Variants in PTPRE observed in about 807,000 individuals in gnomAD.
PTPRE encodes receptor-type tyrosine-protein phosphatase epsilon.
In PTPRE, 51 loss-of-function variants were observed where a neutral mutation model predicts 102.0. That is an observed-to-expected ratio of 0.50 (90% CI 0.40 to 0.63). The LOEUF is 0.63. PTPRE is among the 30% of genes least tolerant of loss of function. The pLI, the probability that PTPRE is intolerant of heterozygous loss-of-function variation, is 0.00. For missense variants in PTPRE, 752 were observed against 915.1 expected, an observed-to-expected ratio of 0.82 and a Z score of 2.30; for synonymous variants, 345 against 348.2, an observed-to-expected ratio of 0.99 and a Z score of 0.10.
intron 2 of PTPRE, among the ~76,000 whole-genome samples, chr10:127,992,609 C>T (rs866089886): frequency 4.6e-5 from 7 of 152,120 alleles, no homozygotes; most frequent in Admixed American, 2.6e-4. Flanking sequence ...AGGAAACACC[C>T]GAGTTACCCT....
intron 2 of PTPRE, among the ~76,000 whole-genome samples, chr10:128,040,674 G>A (rs896572371): frequency 4.6e-5 from 7 of 152,172 alleles, no homozygotes; most frequent in Non-Finnish European, 7.4e-5. Flanking sequence ...TCCTTTGAGT[G>A]AATGTCCACA....
chr10:128,016,089 G>A lies in PTPRE; in HGVS notation c.-7-24786G>A, dbSNP rs574651377. On this transcript the variant is annotated intron_variant, in intron 2 of 20. Coordinates refer to ENST00000254667, the MANE Select transcript of PTPRE (RefSeq NM_006504.6). ...GGGGACTTTTTGGTAGACTGAAAAGGGACAAGAAGGAGGTGTCTAGGATAG... is the reference window on the plus strand; with the variant it reads ...GGGGACTTTTTGGTAGACTGAAAAGAGACAAGAAGGAGGTGTCTAGGATAG... Among the ~76,000 whole-genome samples the A allele has an allele frequency of 3.3e-5, 5 of 152,248 alleles. No individual in the cohort carries two copies. In the East Asian group the frequency reaches 5.8e-4, roughly 18 times the overall value.
chr10:127,928,069 T>A (rs887821436), intron 1 of PTPRE, among the ~76,000 whole-genome samples: 1 of 152,184 alleles, frequency 6.6e-6, no homozygotes, highest in Non-Finnish European at 1.5e-5. Flanking sequence ...CCTGATTTGC[T>A]TTTTTTCTTC....
intron 2 of PTPRE, among the ~76,000 whole-genome samples, chr10:128,011,490 C>T (rs1845007755): frequency 1.3e-5 from 2 of 152,326 alleles, no homozygotes; most frequent in African/African-American, 4.8e-5. Flanking sequence ...GGTAGACGTT[C>T]CTGTGGCTTA....
At chr10:127,952,193 T>C (rs1849078107) in intron 1 of PTPRE, among the ~76,000 whole-genome samples, 1 of 152,214 alleles carries the variant, frequency 6.6e-6, no homozygotes, top group African/African-American at 2.4e-5. Context: ...ACTATATTGA[T>C]GACTGAAGGA....
chr10:128,067,390 GCACA>G (rs150997231), intron 11 of PTPRE, among the ~76,000 whole-genome samples: 22 of 64,924 alleles, frequency 3.4e-4, no homozygotes, highest in East Asian at 2.7e-3. Flanking sequence ...TCACACATGT[GCACA>G]CACACATACA....
intron 1 of PTPRE, among the ~76,000 whole-genome samples, chr10:127,951,244 A>G (rs750212959): frequency 1.8e-4 from 27 of 152,204 alleles, no homozygotes; most frequent in Non-Finnish European, 3.4e-4. Flanking sequence ...GACTTGAGCC[A>G]GTTTATAGAC....
At position 128,021,097 on chromosome 10, in the gene PTPRE, G is replaced by A. The variant is rs1447678346; in HGVS notation, c.-7-19778G>A. Among the ~76,000 whole-genome samples, 16 of 152,136 alleles carry A rather than the reference G, an allele frequency of 1.1e-4. No homozygotes were observed. In the East Asian group the frequency reaches 1.2e-3, roughly 11 times the overall value. ...TTTTTAGCAGAGATGGAGTTTCGCC[G>A]TGTTAGCCAGGATGGTCTCGATCTC... On this transcript the variant is annotated intron_variant, in intron 2 of 20. Coordinates refer to ENST00000254667, the MANE Select transcript of PTPRE (RefSeq NM_006504.6).
rs560944917 is a variant in PTPRE, at chr10:128,060,052, C to T, written c.512-887C>T. Among the ~76,000 whole-genome samples, 3 of 148,328 alleles carry T rather than the reference C, an allele frequency of 2.0e-5. No homozygotes were observed. In the Admixed American group the frequency reaches 2.0e-4, roughly 10 times the overall value. ...ACAAACATATCACACACATACCACA[C>T]ACATACACACCACACACATACCACA... On this transcript the variant is annotated intron_variant, in intron 7 of 20. Transcript: ENST00000254667.
chr10:127,966,270 C>G (rs1161787963), intron 1 of PTPRE, among the ~76,000 whole-genome samples: 2 of 152,168 alleles, frequency 1.3e-5, no homozygotes, highest in Admixed American at 6.5e-5. Context: ...GTGGAGCCCT[C>G]CGGACACAAC....
At position 128,056,227 on chromosome 10, in the gene PTPRE, TTA is replaced by T; in HGVS notation, c.511+16_511+17del. On this transcript the variant is annotated intron_variant, in intron 7 of 20. Coordinates refer to ENST00000254667, the MANE Select transcript of PTPRE (RefSeq NM_006504.6). ...ACATCCTTCCCAGTAAGATTTTATT[TTA>T]TGTTTTGCATGATCAATGGTGTTTG... 1 of 1,584,274 alleles carries T rather than the reference TTA, an allele frequency of 6.3e-7. No homozygotes were observed. The highest frequency in any genetic ancestry group is 1.7e-5 in the Admixed American group (1 of 59,918).
Position 128,049,716 on chromosome 10 carries a change from GA to G in PTPRE, c.420+53del, listed in dbSNP as rs766773871. 8.1e-6 allele frequency: 13 copies of G among 1,610,422 alleles called. No homozygotes were observed. In the Admixed American group the frequency reaches 2.2e-4, roughly 27 times the overall value. Reference sequence around the variant, plus strand: ...TGGGTGCCCTGTGGTGGAGACCTGTGAAATCCAGTGTTAGAGTTCAGGATGA... The same window carrying G: ...TGGGTGCCCTGTGGTGGAGACCTGTGAATCCAGTGTTAGAGTTCAGGATGA... On this transcript the variant is annotated intron_variant, in intron 6 of 20. Coordinates refer to ENST00000254667, the MANE Select transcript of PTPRE (RefSeq NM_006504.6).
intron 1 of PTPRE, among the ~76,000 whole-genome samples, chr10:127,970,040 G>C (rs1850601215): frequency 6.6e-6 from 1 of 151,452 alleles, no homozygotes; most frequent in Admixed American, 6.6e-5. Flanking sequence ...TGTTCAAAAT[G>C]TTGAAGCTGA....
chr10:127,917,702 G>A (rs374895165), intron 1 of PTPRE, among the ~76,000 whole-genome samples: 4 of 152,006 alleles, frequency 2.6e-5, no homozygotes, highest in East Asian at 1.9e-4. Flanking sequence ...GGGTTACACT[G>A]TACATTCTTA....
At chr10:127,943,436 C>T (rs1389124567) in intron 1 of PTPRE, among the ~76,000 whole-genome samples, 1 of 152,306 alleles carries the variant, frequency 6.6e-6, no homozygotes, top group South Asian at 2.1e-4. Flanking sequence ...GTTCCTGCAG[C>T]TCTTTGTCTG....
chr10:127,923,440 G>T (rs189837021), intron 1 of PTPRE, among the ~76,000 whole-genome samples: 8 of 110,952 alleles, frequency 7.2e-5, no homozygotes, highest in African/African-American at 3.0e-4. Context: ...ATTTTGCTCT[G>T]TTGCCCAGGC....
At chr10:127,970,577 A>G (rs1589864766) in intron 1 of PTPRE, among the ~76,000 whole-genome samples, 3 of 152,060 alleles carry the variant, frequency 2.0e-5, no homozygotes, top group South Asian at 4.2e-4. Flanking sequence ...CATTCAATAA[A>G]TATCTGCTGA....
At chr10:127,939,962 G>A (rs375040456) in intron 1 of PTPRE, among the ~76,000 whole-genome samples, 17 of 151,488 alleles carry the variant, frequency 1.1e-4, no homozygotes, top group Non-Finnish European at 1.5e-4. Context: ...GAGGGCAGGC[G>A]CAGGCAGATG....
intron 2 of PTPRE, among the ~76,000 whole-genome samples, chr10:127,991,653 A>T (rs1296796414): frequency 6.6e-6 from 1 of 152,196 alleles, no homozygotes; most frequent in Non-Finnish European, 1.5e-5. Context: ...TACAAATCCA[A>T]TCCATTTGGG....
Sources: gnomAD v4.1 joint callset for allele counts (sites outside exome capture counted in the v4.1 genomes callset) on GRCh38, gnomAD v4.1.1 for gene constraint, MANE v1.5 for transcripts, NCBI Gene and HGNC (gene_info 2026-07-23, HGNC 2026-07-21) for gene names.